The following DGKH variants were observed in gnomAD, a reference collection of about 807,000 sequenced individuals.
The protein encoded by DGKH is diacylglycerol kinase eta.
A neutral mutation model predicts 159.3 loss-of-function variants in DGKH; 90 were observed. That is an observed-to-expected ratio of 0.57 (90% CI 0.48 to 0.67). The LOEUF (loss-of-function observed/expected upper bound fraction) is 0.67. Among genes scored for constraint, DGKH ranks in the 30% least tolerant of loss-of-function variants. The pLI is 0.00. For synonymous variants in DGKH, 536 were observed against 553.8 expected (o/e 0.97, Z 0.45); for missense variants, 1,181 against 1,506.1 (o/e 0.78, Z 3.57).
At chr13:42,174,507 C>G (rs1193815956) in intron 12 of DGKH, among the ~76,000 whole-genome samples, 1 of 152,166 alleles carries the variant, frequency 6.6e-6, no homozygotes, top group East Asian at 1.9e-4. Context: ...TTCTATCTGC[C>G]TGTTTCCGTT....
chr13:42,213,792 C>T (rs1412692905), intron 24 of DGKH, among the ~76,000 whole-genome samples: 1 of 152,170 alleles, frequency 6.6e-6, no homozygotes, highest in Non-Finnish European at 1.5e-5. Context: ...GCAGGTCTTA[C>T]ATCATTTTCT....
chr13:42,153,565 C>T (rs1157009726), intron 3 of DGKH, among the ~76,000 whole-genome samples: 1 of 152,256 alleles, frequency 6.6e-6, no homozygotes, highest in South Asian at 2.1e-4. Flanking sequence ...ATCAGTGAGT[C>T]CAGTGAAACT....
chr13:42,130,316 T>A (rs1161117322), intron 3 of DGKH, among the ~76,000 whole-genome samples: 1 of 152,208 alleles, frequency 6.6e-6, no homozygotes. Flanking sequence ...CCCCCATCTG[T>A]CACGGTGGGA....
At chr13:42,069,762 A>G in intron 1 of DGKH, 2 of 1,123,236 alleles carry the variant, frequency 1.8e-6, no homozygotes, top group South Asian at 1.6e-5. Flanking sequence ...TTTTGTAATT[A>G]CAAGTATGGC....
At chr13:42,100,259 G>T (rs1466973079) in intron 1 of DGKH, among the ~76,000 whole-genome samples, 1 of 152,182 alleles carries the variant, frequency 6.6e-6, no homozygotes, top group Non-Finnish European at 1.5e-5. Context: ...TCTAACTAAT[G>T]CCTGATGATC....
chr13:42,062,352 A>G (rs1000190828), intron 1 of DGKH, among the ~76,000 whole-genome samples: 4 of 152,190 alleles, frequency 2.6e-5, no homozygotes, highest in Non-Finnish European at 5.9e-5. Context: ...CACACTGTGT[A>G]TTAAGCTTAG....
intron 20 of DGKH, among the ~76,000 whole-genome samples, chr13:42,202,127 GAAAAT>G (rs1957361777): frequency 1.3e-5 from 2 of 151,868 alleles, no homozygotes; most frequent in African/African-American, 4.8e-5. Flanking sequence ...AATGATAAGG[GAAAAT>G]AAAATGAGTA....
Position 42,187,067 on chromosome 13 carries a change from A to G in DGKH, c.1557A>G (p.Val519=). Residue 519 remains valine, a synonymous_variant, in exon 14 of 30, where the codon GTA becomes GTG. Coordinates refer to ENST00000337343, the MANE Select transcript of DGKH (RefSeq NM_178009.5). Reference sequence around the variant, plus strand: ...CTCAAAGGACGCTATGTGAAACTGTAAAGGACTTCGTTGCCAAAGTAGAAA... The same window carrying G: ...CTCAAAGGACGCTATGTGAAACTGTGAAGGACTTCGTTGCCAAAGTAGAAA... ...ISSAKTLCET[V]KDFVAKVEKT... is the part of the protein sequence containing the mutation. 1 of 1,614,084 alleles carries G rather than the reference A, an allele frequency of 6.2e-7. No individual in the cohort carries two copies.
chr13:42,215,345 A>C lies in DGKH; in HGVS notation c.3121-230A>C, dbSNP rs9566941. Among the ~76,000 whole-genome samples, 1,333 of 152,114 alleles carry C rather than the reference A, an allele frequency of 8.8e-3. 40 individuals are homozygous for C. Among genetic ancestry groups the C allele is most frequent in the South Asian group, 0.08 (386 of 4,814 alleles). On this transcript the variant is annotated intron_variant, in intron 25 of 29. Transcript: ENST00000337343. ...CATATACATATTCATTAGGTAGGAGATGTGATCCTGAGTGTATTCACTGTA... is the reference window on the plus strand; with the variant it reads ...CATATACATATTCATTAGGTAGGAGCTGTGATCCTGAGTGTATTCACTGTA...
chr13:42,054,892 AAG>A (rs1367783875), intron 1 of DGKH, among the ~76,000 whole-genome samples: 1 of 152,230 alleles, frequency 6.6e-6, no homozygotes, highest in African/African-American at 2.4e-5. Flanking sequence ...AGTAAAGAAA[AAG>A]AAAAAAAATT....
chr13:42,074,011 G>A (rs928589367), intron 1 of DGKH, among the ~76,000 whole-genome samples: 9 of 152,160 alleles, frequency 5.9e-5, no homozygotes, highest in Non-Finnish European at 1.0e-4. Context: ...TTATCTTGAT[G>A]TTTTTGTTAG....
intron 1 of DGKH, among the ~76,000 whole-genome samples, chr13:42,105,911 T>C (rs1594034512): frequency 6.6e-6 from 1 of 152,254 alleles, no homozygotes; most frequent in Non-Finnish European, 1.5e-5. Flanking sequence ...GTAACTATGT[T>C]TAATTAATGA....
In DGKH at chr13:42,219,778, G is replaced by T. The variant is rs1367311063; in HGVS notation, c.3426G>T (p.Lys1142Asn). 1 of 1,613,402 alleles carries T rather than the reference G, an allele frequency of 6.2e-7. No homozygotes were observed. The highest frequency in any genetic ancestry group is 1.3e-5 in the African/African-American group (1 of 74,884). ...KFKKEKVQKQ[K>N]TSSQPVQKWG... The stretch of plus-strand genomic sequence containing the variant: ...AAAAGGAAAAGGTTCAGAAGCAGAA[G>T]ACAAGTTCACAGCCTGGTAGGTGGT... The change falls in exon 28 of 30, where the codon AAG (lysine) becomes AAT (asparagine). Residue 1142 changes from lysine to asparagine, a missense_variant. Coordinates refer to ENST00000337343, the MANE Select transcript of DGKH (RefSeq NM_178009.5).
chr13:42,156,390 GCAC>G (rs1022533628), intron 5 of DGKH, among the ~76,000 whole-genome samples: 2 of 151,924 alleles, frequency 1.3e-5, no homozygotes, highest in African/African-American at 4.8e-5. Context: ...CTACAGTCAA[GCAC>G]CACCACACCT....
chr13:42,190,233 G>A (rs1957027903), intron 15 of DGKH, among the ~76,000 whole-genome samples, 170 bp from the exon 16 acceptor site: 1 of 151,988 alleles, frequency 6.6e-6, no homozygotes, highest in South Asian at 2.1e-4. Context: ...TTTAGTTTTT[G>A]ATCTTTAGTT....
At chr13:42,059,996 A>G (rs1342640583) in intron 1 of DGKH, among the ~76,000 whole-genome samples, 1 of 149,956 alleles carries the variant, frequency 6.7e-6, no homozygotes, top group African/African-American at 2.5e-5. Context: ...AACTCCGCCT[A>G]CCAGGTTTAA....
At position 42,100,168 on chromosome 13, in the gene DGKH, G is replaced by A. The variant is rs147096152; in HGVS notation, c.193-27295G>A. On this transcript the variant is annotated intron_variant, in intron 1 of 29. Transcript: ENST00000337343. ...CTCCGCCTCCTGTCAGATCTGCAGCGGCATTAGATTCTCATAGGAGTGCAA... is the reference window on the plus strand; with the variant it reads ...CTCCGCCTCCTGTCAGATCTGCAGCAGCATTAGATTCTCATAGGAGTGCAA... Among the ~76,000 whole-genome samples the A allele has an allele frequency of 1.4e-3, 211 of 152,200 alleles. 1 individual carries two copies. The highest frequency in any genetic ancestry group is 2.6e-3 in the Non-Finnish European group (174 of 68,008).
At chr13:42,226,311 G>T (rs1958131106) in intron 29 of DGKH, among the ~76,000 whole-genome samples, 1 of 152,192 alleles carries the variant, frequency 6.6e-6, no homozygotes. Flanking sequence ...TGCTGGTGAG[G>T]CTGTGGAGAA....
At chr13:42,246,339 T>C (rs902667050), downstream of DGKH, among the ~76,000 whole-genome samples, 3 of 152,016 alleles carry the variant, frequency 2.0e-5, no homozygotes, top group Non-Finnish European at 4.4e-5. Context: ...ATCCCTGCAG[T>C]TTGGGAGGCC....
Sources: allele counts gnomAD v4.1 joint callset (sites outside exome capture counted in the v4.1 genomes callset), GRCh38; gene constraint gnomAD v4.1.1; transcripts MANE v1.5; gene names NCBI Gene and HGNC (gene_info 2026-07-23, HGNC 2026-07-21).